Variants in PTPRO observed in about 807,000 individuals in gnomAD.
PTPRO encodes the protein receptor-type tyrosine-protein phosphatase O.
A neutral mutation model predicts 145.2 loss-of-function variants in PTPRO; 62 were observed. That is an observed-to-expected ratio of 0.43 (90% CI 0.35 to 0.53). The LOEUF (loss-of-function observed/expected upper bound fraction) is 0.53. Ranked by LOEUF, PTPRO falls within the 20% of genes least tolerant of loss-of-function variation. PTPRO has a pLI of 0.01. For synonymous variants in PTPRO, 565 were observed against 514.7 expected, an observed-to-expected ratio of 1.10 and a Z score of -1.32; for missense variants, 1,345 against 1,482.7, an observed-to-expected ratio of 0.91 and a Z score of 1.53.
chr12:15,560,347 A>G (rs1198528012), intron 17 of PTPRO, 71 bp downstream of exon 17: 1 of 1,222,682 alleles, frequency 8.2e-7, no homozygotes, highest in Non-Finnish European at 1.2e-6. Flanking sequence ...AACAAAAAGG[A>G]AAGTTTCTTT....
chr12:15,331,011 G>A (rs1326174637), intron 1 of PTPRO, among the ~76,000 whole-genome samples: 2 of 152,126 alleles, frequency 1.3e-5, no homozygotes, highest in Non-Finnish European at 2.9e-5. Flanking sequence ...GAAGGGTAGA[G>A]GAGATGGAAG....
intron 1 of PTPRO, among the ~76,000 whole-genome samples, chr12:15,425,740 T>C (rs1291190313): frequency 6.6e-6 from 1 of 152,070 alleles, no homozygotes; most frequent in African/African-American, 2.4e-5. Flanking sequence ...GATTCATGCA[T>C]TTTTTGTAAC....
chr12:15,545,621 C>T (rs899566091), intron 12 of PTPRO, among the ~76,000 whole-genome samples: 2 of 151,952 alleles, frequency 1.3e-5, no homozygotes, highest in East Asian at 3.9e-4. Context: ...AAAGGACAGA[C>T]AACACAGCTT....
intron 23 of PTPRO, among the ~76,000 whole-genome samples, chr12:15,586,604 G>A (rs1944434956): frequency 6.6e-6 from 1 of 152,208 alleles, no homozygotes; most frequent in Non-Finnish European, 1.5e-5. Flanking sequence ...AGCCAAAACT[G>A]ATGCAGCTTC....
chr12:15,580,609 A>C, intron 21 of PTPRO, 88 bp from the exon 22 acceptor site: 1 of 1,540,838 alleles, frequency 6.5e-7, no homozygotes, highest in South Asian at 1.1e-5. Flanking sequence ...ATCACCAGTA[A>C]GTTTTCAGTT....
intron 1 of PTPRO, among the ~76,000 whole-genome samples, chr12:15,459,821 A>G (rs1941261285): frequency 6.6e-6 from 1 of 152,188 alleles, no homozygotes; most frequent in Non-Finnish European, 1.5e-5. Context: ...AAAGTATAAG[A>G]TTTAGTAAAA....
At chr12:15,555,340 T>C (rs554793836) in intron 15 of PTPRO, among the ~76,000 whole-genome samples, 1 of 152,226 alleles carries the variant, frequency 6.6e-6, no homozygotes, top group South Asian at 2.1e-4. Context: ...CCTGCATTAA[T>C]CACTGGAACA....
chr12:15,396,463 T>C (rs1939342489), intron 1 of PTPRO, among the ~76,000 whole-genome samples: 5 of 150,856 alleles, frequency 3.3e-5, no homozygotes, highest in Admixed American at 3.3e-4. Context: ...TAAATTGGAG[T>C]TATTGAAAAA....
At chr12:15,325,887 C>T (rs373535324) in intron 1 of PTPRO, among the ~76,000 whole-genome samples, 7 of 152,294 alleles carry the variant, frequency 4.6e-5, no homozygotes, top group South Asian at 4.2e-4. Context: ...AAGTGCTTGG[C>T]GTGTGTCCTT....
At chr12:15,539,761 CAAAAAAAAAA>C (rs56061735) in intron 12 of PTPRO, among the ~76,000 whole-genome samples, 1 of 52,484 alleles carries the variant, frequency 1.9e-5, no homozygotes, top group Non-Finnish European at 3.1e-5. Context: ...GACTCTGTCT[CAAAAAAAAAA>C]AAAAAAAAAA....
intron 24 of PTPRO, among the ~76,000 whole-genome samples, chr12:15,587,437 T>C (rs1944453367): frequency 6.6e-6 from 1 of 152,152 alleles, no homozygotes; most frequent in South Asian, 2.1e-4. Flanking sequence ...AGTTACAACA[T>C]GGACAAATAC....
In PTPRO at chr12:15,597,025, A is replaced by G. The variant is rs1038393483; in HGVS notation, c.*952A>G. On this transcript the variant is annotated 3_prime_UTR_variant, in exon 27 of 27. Transcript: ENST00000281171. ...AAAACGCACTTTCTTTCCCCCAAAG[A>G]GCTGGGAATTTATGAAGTTATGGCA... The G allele has an allele frequency of 2.0e-5, 3 of 152,612 alleles. No homozygotes were observed. Among genetic ancestry groups the G allele is most frequent in the African/African-American group, 7.2e-5 (3 of 41,436 alleles). 9.5% of individuals were successfully genotyped at this position (152,612 alleles called of 1,614,324 possible).
intron 15 of PTPRO, among the ~76,000 whole-genome samples, chr12:15,551,974 T>C (rs368512691): frequency 2.0e-4 from 30 of 146,594 alleles, no homozygotes; most frequent in African/African-American, 7.6e-4. Context: ...TCATACACAT[T>C]TGGAATAAAA....
At chr12:15,551,098 A>T (rs1303642338) in intron 14 of PTPRO, among the ~76,000 whole-genome samples, 1 of 152,222 alleles carries the variant, frequency 6.6e-6, no homozygotes, top group Non-Finnish European at 1.5e-5. Context: ...TTTTTGATAT[A>T]CATTATTAGT....
intron 1 of PTPRO, among the ~76,000 whole-genome samples, chr12:15,388,613 A>G (rs1939096919): frequency 6.6e-6 from 1 of 152,226 alleles, no homozygotes; most frequent in South Asian, 2.1e-4. Flanking sequence ...ATTAATAGAT[A>G]CACCATGTGG....
intron 12 of PTPRO, among the ~76,000 whole-genome samples, chr12:15,533,663 T>A (rs1251601361): frequency 6.6e-6 from 1 of 152,216 alleles, no homozygotes; most frequent in African/African-American, 2.4e-5. Flanking sequence ...TGTTTGTGTG[T>A]GTTTTTTACA....
At chr12:15,338,496 C>T (rs1040978486) in intron 1 of PTPRO, among the ~76,000 whole-genome samples, 2 of 152,076 alleles carry the variant, frequency 1.3e-5, no homozygotes, top group African/African-American at 4.8e-5. Flanking sequence ...TTATGAAGCA[C>T]GTTGTATATT....
At chr12:15,581,920 A>C in intron 23 of PTPRO, 119 bp downstream of exon 23, 1 of 1,346,328 alleles carries the variant, frequency 7.4e-7, no homozygotes, top group Non-Finnish European at 1.0e-6. Flanking sequence ...ACACAAAAAT[A>C]TCGAGTGTGG....
chr12:15,408,396 C>G (rs1345291190), intron 1 of PTPRO, among the ~76,000 whole-genome samples: 1 of 152,006 alleles, frequency 6.6e-6, no homozygotes, highest in Non-Finnish European at 1.5e-5. Context: ...AGTTTTTTAA[C>G]CTCAAGGGAA....
Sources: gnomAD v4.1 joint callset for allele counts (sites outside exome capture counted in the v4.1 genomes callset) on GRCh38, gnomAD v4.1.1 for gene constraint, MANE v1.5 for transcripts, NCBI Gene and HGNC (gene_info 2026-07-23, HGNC 2026-07-21) for gene names.